Variants in RALGPS2 observed in about 807,000 individuals in gnomAD.
The protein encoded by RALGPS2 is Ral GEF with PH domain and SH3 binding motif 2.
RALGPS2 carries 43 observed loss-of-function variants against 86.8 expected under a neutral mutation model. The ratio of observed to expected loss-of-function variants is 0.50; its 90% CI spans 0.39 to 0.64. RALGPS2 has a LOEUF of 0.64. Among genes scored for constraint, RALGPS2 ranks in the 30% least tolerant of loss-of-function variants. The pLI is 0.00. For missense variants in RALGPS2, 536 were observed against 694.6 expected (o/e 0.77, Z 2.57); for synonymous variants, 243 against 231.3 (o/e 1.05, Z -0.46).
chr1:178,886,891 G>A (rs1362534518), intron 13 of RALGPS2, among the ~76,000 whole-genome samples: 2 of 152,230 alleles, frequency 1.3e-5, no homozygotes, highest in East Asian at 3.9e-4. Context: ...ATGAGAATGG[G>A]GAATTGACTG....
intron 1 of RALGPS2, among the ~76,000 whole-genome samples, chr1:178,751,106 T>C (rs1182887375): frequency 6.6e-6 from 1 of 151,134 alleles, no homozygotes; most frequent in African/African-American, 2.5e-5. Flanking sequence ...GTAATTTATC[T>C]TCCATGTTCA....
intron 8 of RALGPS2, among the ~76,000 whole-genome samples, chr1:178,863,780 G>A (rs956449532): frequency 6.6e-6 from 1 of 152,186 alleles, no homozygotes; most frequent in Non-Finnish European, 1.5e-5. Context: ...TAAAGAAATA[G>A]GAAGTGAAGG....
rs570728569 is a variant in RALGPS2, at chr1:178,767,185, T to A, written c.-83-9497T>A. On this transcript the variant is annotated intron_variant, in intron 1 of 19. Coordinates refer to ENST00000367635, the MANE Select transcript of RALGPS2 (RefSeq NM_152663.5). ...TGAATGTCAGTTATCTTCATTCCTA[T>A]ACATATTCTGAATTCTATTTCTGTC... Among the ~76,000 whole-genome samples, 3 of 152,338 alleles carry A rather than the reference T, an allele frequency of 2.0e-5. No individual in the cohort carries two copies. In the South Asian group the frequency reaches 6.2e-4, roughly 32 times the overall value.
intron 1 of RALGPS2, among the ~76,000 whole-genome samples, chr1:178,765,159 C>CTT (rs536248138): frequency 9.8e-5 from 14 of 143,536 alleles, no homozygotes; most frequent in Admixed American, 6.3e-4. Context: ...TCAGGTATGT[C>CTT]TTTTTTTTTT....
At chr1:178,839,865 TG>T (rs2102264962) in intron 8 of RALGPS2, among the ~76,000 whole-genome samples, 1 of 152,282 alleles carries the variant, frequency 6.6e-6, no homozygotes, top group East Asian at 1.9e-4. Context: ...TCCTAGTCTC[TG>T]ATAAAACACT....
rs554893086 is a variant in RALGPS2 at position 178,917,024 on chromosome 1, A to T, written c.*665A>T. The T allele has an allele frequency of 1.3e-5, 2 of 152,240 alleles. No individual in the cohort carries two copies. The highest frequency in any genetic ancestry group is 1.3e-4 in the Admixed American group (2 of 15,272). 9.4% of individuals were successfully genotyped at this position (152,240 alleles called of 1,614,324 possible). On this transcript the variant is annotated 3_prime_UTR_variant, in exon 20 of 20. Transcript: ENST00000367635. ...GAGGGGAGAATTTTTTTAAACACTA[A>T]ACTTCTGAAATGTAGTACTGTAAGG...
At chr1:178,810,841 T>C (rs2102200730) in intron 5 of RALGPS2, among the ~76,000 whole-genome samples, 1 of 152,200 alleles carries the variant, frequency 6.6e-6, no homozygotes, top group Non-Finnish European at 1.5e-5. Flanking sequence ...CAACTTACAG[T>C]GCTTTGACTT....
At chr1:178,825,566 AT>A (rs906892468) in intron 7 of RALGPS2, among the ~76,000 whole-genome samples, 2 of 152,006 alleles carry the variant, frequency 1.3e-5, no homozygotes, top group African/African-American at 4.8e-5. Flanking sequence ...TGGTTCATGG[AT>A]TTTTTTTCTC....
intron 2 of RALGPS2, 136 bp downstream of exon 2, chr1:178,776,957 A>ATT: frequency 1.6e-6 from 1 of 642,582 alleles, no homozygotes; most frequent in Non-Finnish European, 2.6e-6. Flanking sequence ...TTTAAATTTT[A>ATT]TTTTTTTTTA....
intron 16 of RALGPS2, among the ~76,000 whole-genome samples, chr1:178,897,146 C>T (rs1659984782): frequency 6.6e-6 from 1 of 151,888 alleles, no homozygotes; most frequent in African/African-American, 2.4e-5. Flanking sequence ...AGACACTTCT[C>T]AAAAGAAGAC....
intron 1 of RALGPS2, among the ~76,000 whole-genome samples, chr1:178,733,439 A>G (rs891484849): frequency 2.6e-5 from 4 of 152,228 alleles, no homozygotes; most frequent in Non-Finnish European, 4.4e-5. Context: ...CAGAAAATGA[A>G]TTGTTCAGAT....
intron 8 of RALGPS2, among the ~76,000 whole-genome samples, chr1:178,843,619 A>G (rs563732503): frequency 8.6e-5 from 13 of 151,474 alleles, no homozygotes; most frequent in African/African-American, 2.9e-4. Flanking sequence ...AAACCTGCAC[A>G]TTGTGTACAT....
At chr1:178,783,183 G>T (rs1397890119) in intron 2 of RALGPS2, among the ~76,000 whole-genome samples, 1 of 152,152 alleles carries the variant, frequency 6.6e-6, no homozygotes, top group African/African-American at 2.4e-5. Context: ...GAAATGCTAG[G>T]ATTCAAAAGC....
chr1:178,849,600 C>T (rs1470875236), intron 8 of RALGPS2: 1 of 151,984 alleles, frequency 6.6e-6, no homozygotes. Context: ...ATGCCCAGTT[C>T]CTTCCAGGAA....
intron 3 of RALGPS2, among the ~76,000 whole-genome samples, 185 bp from the exon 4 acceptor site, chr1:178,785,368 TATAA>T (rs1267859067): frequency 2.6e-5 from 4 of 151,926 alleles, no homozygotes; most frequent in Non-Finnish European, 4.4e-5. Flanking sequence ...TCCAAGAAAA[TATAA>T]ATAGACATGA....
At chr1:178,897,642 T>C in intron 16 of RALGPS2, 22 bp from the exon 17 acceptor site, 1 of 1,565,912 alleles carries the variant, frequency 6.4e-7, no homozygotes, top group South Asian at 1.1e-5. Flanking sequence ...TAATAGTATA[T>C]TCCTGTGTTT....
chr1:178,863,387 C>CAT (rs3835496), intron 8 of RALGPS2, among the ~76,000 whole-genome samples: 70,217 of 151,904 alleles, frequency 0.46, 17,432 homozygotes, highest in African/African-American at 0.64. Context: ...AGGAGACAGA[C>CAT]ATAAATAAAT....
rs551926144 is a variant in RALGPS2 at position 178,780,909 on chromosome 1, G to A, written c.58-3509G>A. On this transcript the variant is annotated intron_variant, in intron 2 of 19. Transcript: ENST00000367635. ...TCTGTAATTTTCTCCGTAAATGTAT[G>A]CATAGCTTTTTTATATTTACAACCA... Among the ~76,000 whole-genome samples, 4 of 151,980 alleles carry A rather than the reference G, an allele frequency of 2.6e-5. No individual in the cohort carries two copies. In the East Asian group the frequency reaches 7.7e-4, roughly 29 times the overall value.
At chr1:178,760,572 A>G (rs1652186596) in intron 1 of RALGPS2, among the ~76,000 whole-genome samples, 1 of 151,914 alleles carries the variant, frequency 6.6e-6, no homozygotes, top group South Asian at 2.1e-4. Flanking sequence ...GTGTCATTAG[A>G]TGTGAGATGG....
Sources: gnomAD v4.1 joint callset for allele counts (sites outside exome capture counted in the v4.1 genomes callset) on GRCh38, gnomAD v4.1.1 for gene constraint, MANE v1.5 for transcripts, NCBI Gene and HGNC (gene_info 2026-07-23, HGNC 2026-07-21) for gene names.